LRP1B: variants seen among roughly 807,000 people sequenced by gnomAD.
LRP1B encodes the protein LDL receptor related protein 1B, also known as low-density lipoprotein receptor-related protein 1B.
A neutral mutation model predicts 556.6 loss-of-function variants in LRP1B; 217 were observed. That is an observed-to-expected ratio of 0.39 (90% CI 0.35 to 0.44). The LOEUF is 0.44. Among genes scored for constraint, LRP1B ranks in the 20% least tolerant of loss-of-function variants. The pLI is 1.00. For synonymous variants in LRP1B, 2,047 were observed against 1,865.8 expected, an observed-to-expected ratio of 1.10 and a Z score of -2.50; for missense variants, 5,053 against 5,620.8, an observed-to-expected ratio of 0.90 and a Z score of 3.23.
At chr2:140,903,756 T>C (rs1014044918) in intron 22 of LRP1B, among the ~76,000 whole-genome samples, 1 of 151,702 alleles carries the variant, frequency 6.6e-6, no homozygotes, top group Non-Finnish European at 1.5e-5. Context: ...GCCTCATATA[T>C]TGGTTATTAT....
chr2:140,829,546 G>T (rs1691643070), intron 31 of LRP1B, among the ~76,000 whole-genome samples: 1 of 152,048 alleles, frequency 6.6e-6, no homozygotes. Flanking sequence ...GGTCAATGAA[G>T]AAATGAAGAA....
At chr2:141,923,487 T>TAG (rs147951581) in intron 1 of LRP1B, among the ~76,000 whole-genome samples, 2,002 of 58,148 alleles carry the variant, frequency 0.034, 65 homozygotes, top group East Asian at 0.087. Flanking sequence ...TGTGTGTGTG[T>TAG]AGAGAGAGGG....
At chr2:141,320,499 C>G (rs16855032) in intron 3 of LRP1B, among the ~76,000 whole-genome samples, 24,880 of 151,866 alleles carry the variant, frequency 0.16, 2,913 homozygotes, top group African/African-American at 0.31. Flanking sequence ...ATGTACTATG[C>G]CTAGACACTG....
chr2:140,988,658 G>A (rs1697000356), intron 17 of LRP1B, among the ~76,000 whole-genome samples: 1 of 152,030 alleles, frequency 6.6e-6, no homozygotes, highest in African/African-American at 2.4e-5. Flanking sequence ...TCAACCCCTG[G>A]GTCTTCTCTC....
chr2:140,289,076 A>AT (rs961477283), intron 84 of LRP1B, among the ~76,000 whole-genome samples: 2 of 151,912 alleles, frequency 1.3e-5, no homozygotes, highest in East Asian at 1.9e-4. Flanking sequence ...CATTCTTAAA[A>AT]TTTTTTTATT....
intron 84 of LRP1B, among the ~76,000 whole-genome samples, chr2:140,294,084 C>G (rs149295340): frequency 3.9e-5 from 6 of 152,198 alleles, no homozygotes; most frequent in African/African-American, 1.4e-4. Context: ...ATCCAAACTG[C>G]TATACAAACT....
At chr2:140,342,361 C>T (rs1681440476) in intron 77 of LRP1B, among the ~76,000 whole-genome samples, 1 of 151,302 alleles carries the variant, frequency 6.6e-6, no homozygotes, top group East Asian at 1.9e-4. Flanking sequence ...TACTATAACC[C>T]TTCAGACACA....
intron 2 of LRP1B, among the ~76,000 whole-genome samples, chr2:141,683,262 T>C (rs1278954866): frequency 6.6e-6 from 1 of 152,152 alleles, no homozygotes; most frequent in African/African-American, 2.4e-5. Flanking sequence ...AAAGCCTCCA[T>C]TTCTTTGAAC....
At chr2:140,370,641 G>A (rs2105164307) in intron 71 of LRP1B, 69 bp downstream of exon 71, 1 of 1,577,426 alleles carries the variant, frequency 6.3e-7, no homozygotes, top group Non-Finnish European at 8.6e-7. Flanking sequence ...AGCATACACT[G>A]TATATTCTGC....
intron 66 of LRP1B, among the ~76,000 whole-genome samples, chr2:140,402,614 G>A (rs997959269): frequency 6.6e-6 from 1 of 152,138 alleles, no homozygotes; most frequent in African/African-American, 2.4e-5. Context: ...GTGAGTCTGG[G>A]AGGTGGATAG....
chr2:141,627,734 C>T (rs991856044), intron 2 of LRP1B, among the ~76,000 whole-genome samples: 1 of 152,216 alleles, frequency 6.6e-6, no homozygotes, highest in African/African-American at 2.4e-5. Flanking sequence ...AGGTTAGGGA[C>T]TGTTGATGTA....
chr2:141,815,006 T>C (rs999775159), intron 1 of LRP1B, among the ~76,000 whole-genome samples: 1 of 152,094 alleles, frequency 6.6e-6, no homozygotes, highest in Non-Finnish European at 1.5e-5. Flanking sequence ...TTCTGATAAC[T>C]GAATCACTCA....
intron 47 of LRP1B, among the ~76,000 whole-genome samples, chr2:140,533,802 G>C (rs1281041683): frequency 6.6e-6 from 1 of 152,088 alleles, no homozygotes; most frequent in Non-Finnish European, 1.5e-5. Flanking sequence ...GAAATTATAA[G>C]AGTTTTAAGG....
intron 2 of LRP1B, among the ~76,000 whole-genome samples, chr2:141,512,904 G>A (rs911866493): frequency 5.9e-5 from 9 of 151,962 alleles, no homozygotes; most frequent in African/African-American, 2.2e-4. Flanking sequence ...AGTACTCTAG[G>A]ACAGCAAATA....
intron 23 of LRP1B, chr2:140,898,597 C>T (rs1431580783): frequency 8.8e-6 from 3 of 339,966 alleles, no homozygotes; most frequent in Admixed American, 3.7e-5. Flanking sequence ...TTTGCTGATA[C>T]AAAAGTTCAC....
chr2:141,876,676 T>C (rs1402080468), intron 1 of LRP1B, among the ~76,000 whole-genome samples: 1 of 151,894 alleles, frequency 6.6e-6, no homozygotes, highest in Non-Finnish European at 1.5e-5. Context: ...TACAGCATGC[T>C]GAGTGTTAGG....
chr2:140,290,265 G>T (rs566765725), intron 84 of LRP1B, among the ~76,000 whole-genome samples: 11 of 152,060 alleles, frequency 7.2e-5, no homozygotes, highest in African/African-American at 2.4e-4. Context: ...CATTGAGGGC[G>T]TAATGTGTCA....
chr2:140,519,785 T>C (rs1464641531), intron 49 of LRP1B, among the ~76,000 whole-genome samples: 7 of 151,956 alleles, frequency 4.6e-5, no homozygotes, highest in African/African-American at 1.5e-4. Flanking sequence ...AACAACCCCA[T>C]CAACAAGTGG....
At chr2:141,867,547 G>A (rs184360482) in intron 1 of LRP1B, among the ~76,000 whole-genome samples, 120 of 152,204 alleles carry the variant, frequency 7.9e-4, no homozygotes, top group African/African-American at 2.8e-3. Flanking sequence ...GATGACTTAG[G>A]TAGAAAATAA....
Sources: allele counts gnomAD v4.1 joint callset (sites outside exome capture counted in the v4.1 genomes callset), GRCh38; gene constraint gnomAD v4.1.1; transcripts MANE v1.5; gene names NCBI Gene and HGNC (gene_info 2026-07-23, HGNC 2026-07-21).